Variants in SLC25A21 observed in about 807,000 individuals in gnomAD.
SLC25A21 encodes the protein solute carrier family 25 member 21.
Under a neutral mutation model 43.8 loss-of-function variants are expected in SLC25A21, and 47 were observed. That is an observed-to-expected ratio of 1.07 (90% CI 0.85 to 1.37). SLC25A21 has a LOEUF of 1.37. Ranked by LOEUF, SLC25A21 falls within the 40% of genes most tolerant of loss-of-function variation. The probability of loss-of-function intolerance (pLI) is 0.00; values close to 1 mark genes in which losing one functional copy is unlikely to be tolerated. For missense variants in SLC25A21, 352 were observed against 350.2 expected (o/e 1.00, Z -0.04); for synonymous variants, 131 against 121.3 (o/e 1.08, Z -0.52).
chr14:36,779,640 A>ATATG (rs1886979458), intron 3 of SLC25A21, among the ~76,000 whole-genome samples: 1 of 136,954 alleles, frequency 7.3e-6, no homozygotes, highest in Non-Finnish European at 1.6e-5. Context: ...ATATATATAT[A>ATATG]TATGTATACA....
chr14:36,790,678 T>C (rs1420312579), intron 3 of SLC25A21, among the ~76,000 whole-genome samples: 2 of 152,138 alleles, frequency 1.3e-5, no homozygotes, highest in African/African-American at 2.4e-5. Context: ...TAAGTCCTCT[T>C]TTAGGAAAGC....
At chr14:36,955,921 T>A (rs1959329004) in intron 1 of SLC25A21, among the ~76,000 whole-genome samples, 1 of 152,168 alleles carries the variant, frequency 6.6e-6, no homozygotes. Context: ...GTCAATAAAC[T>A]TGGTACCAGA....
chr14:37,054,635 G>C lies in SLC25A21; in HGVS notation c.70+117646C>G, dbSNP rs80028018. Among the ~76,000 whole-genome samples, 835 of 152,152 alleles carry C rather than the reference G, an allele frequency of 5.5e-3. 60 individuals carry two copies. In the East Asian group the frequency reaches 0.14, roughly 26 times the overall value. The stretch of plus-strand genomic sequence containing the variant: ...TGGTGAGGAGGTGATGGAAAGTGAG[G>C]AAAATGCTAATAGAGGTTGGAAAAA... On this transcript the variant is annotated intron_variant, in intron 1 of 9. Coordinates refer to ENST00000331299, the MANE Select transcript of SLC25A21 (RefSeq NM_030631.4).
chr14:36,981,497 G>A (rs1391270952), intron 1 of SLC25A21, among the ~76,000 whole-genome samples: 3 of 152,280 alleles, frequency 2.0e-5, no homozygotes, highest in Non-Finnish European at 2.9e-5. Flanking sequence ...ACCATGGAAT[G>A]CTATGCAGCC....
rs1882134771 is a variant in SLC25A21 at position 36,679,950 on chromosome 14, A to AAAC, written c.*705_*707dup. 1 of 859,208 alleles carries AAAC rather than the reference A, an allele frequency of 1.2e-6. No homozygotes were observed. Among genetic ancestry groups the AAAC allele is most frequent in the Non-Finnish European group, 1.4e-6 (1 of 739,066 alleles). 53.2% of individuals were successfully genotyped at this position (859,208 alleles called of 1,614,324 possible). A position where few individuals can be genotyped will look rare whatever the true frequency, so the allele number is the denominator to read the frequency against. The stretch of plus-strand genomic sequence containing the variant: ...GGAATACCTTGATTTAAACATGCTT[A>AAAC]AACAACAGTGTTTTAACATTCTGTT... On this transcript the variant is annotated 3_prime_UTR_variant, in exon 10 of 10. Transcript: ENST00000331299.
intron 1 of SLC25A21, among the ~76,000 whole-genome samples, chr14:36,906,075 T>C (rs547196322): frequency 4.6e-5 from 7 of 152,292 alleles, no homozygotes; most frequent in African/African-American, 1.7e-4. Context: ...AATCAGATTA[T>C]AAAAGGTACT....
intron 3 of SLC25A21, among the ~76,000 whole-genome samples, chr14:36,759,875 G>A (rs927593141): frequency 6.6e-6 from 1 of 152,294 alleles, no homozygotes; most frequent in Non-Finnish European, 1.5e-5. Flanking sequence ...GGCTGAGGCA[G>A]GAGAATCGTT....
chr14:37,158,318 CAT>C (rs1963884642), intron 1 of SLC25A21, among the ~76,000 whole-genome samples: 1 of 152,018 alleles, frequency 6.6e-6, no homozygotes, highest in Admixed American at 6.6e-5. Context: ...TGAACATAGA[CAT>C]AAAAATCCTC....
At chr14:36,900,352 T>C (rs1040705059) in intron 1 of SLC25A21, among the ~76,000 whole-genome samples, 1 of 152,118 alleles carries the variant, frequency 6.6e-6, no homozygotes, top group African/African-American at 2.4e-5. Context: ...GGCACATGTG[T>C]ACTCCTGTAT....
At chr14:36,781,992 T>C (rs1364379991) in intron 3 of SLC25A21, among the ~76,000 whole-genome samples, 3 of 152,224 alleles carry the variant, frequency 2.0e-5, no homozygotes, top group Non-Finnish European at 4.4e-5. Flanking sequence ...TTCTAAAGAA[T>C]AGCTTTGTCA....
At chr14:36,970,888 T>C (rs1301754706) in intron 1 of SLC25A21, among the ~76,000 whole-genome samples, 1 of 152,218 alleles carries the variant, frequency 6.6e-6, no homozygotes, top group Non-Finnish European at 1.5e-5. Flanking sequence ...TTTGAAAACC[T>C]TTTAGAAATT....
chr14:36,685,632 G>A (rs990036566), intron 7 of SLC25A21, among the ~76,000 whole-genome samples: 1 of 152,168 alleles, frequency 6.6e-6, no homozygotes, highest in East Asian at 1.9e-4. Flanking sequence ...AGGAGAAAGA[G>A]AGAGCGAGAG....
chr14:36,919,514 T>C (rs1024750628), intron 1 of SLC25A21, among the ~76,000 whole-genome samples: 5 of 151,984 alleles, frequency 3.3e-5, no homozygotes, highest in Admixed American at 6.6e-5. Flanking sequence ...AATTTCTCTA[T>C]CTCCTGAAAT....
chr14:36,738,486 G>C (rs149942535), intron 3 of SLC25A21, among the ~76,000 whole-genome samples: 21 of 152,302 alleles, frequency 1.4e-4, no homozygotes, highest in African/African-American at 4.6e-4. Context: ...CTTATGTCAC[G>C]AGCAGCCAAG....
At chr14:37,017,857 G>C (rs566137806) in intron 1 of SLC25A21, among the ~76,000 whole-genome samples, 75 of 152,032 alleles carry the variant, frequency 4.9e-4, no homozygotes, top group African/African-American at 1.8e-3. Context: ...TCCCCTTTTG[G>C]ATGGGACAAT....
chr14:36,785,725 A>AG (rs1887225580), intron 3 of SLC25A21, among the ~76,000 whole-genome samples: 1 of 152,192 alleles, frequency 6.6e-6, no homozygotes, highest in Non-Finnish European at 1.5e-5. Context: ...AAGCACATTC[A>AG]GGGGGCCAGA....
intron 2 of SLC25A21, among the ~76,000 whole-genome samples, chr14:36,847,022 C>T (rs193124609): frequency 1.3e-5 from 2 of 152,310 alleles, no homozygotes; most frequent in East Asian, 3.9e-4. Flanking sequence ...CTTTATTCTA[C>T]TCAATGTGAA....
chr14:37,141,508 T>TAA (rs533050099), intron 1 of SLC25A21, among the ~76,000 whole-genome samples: 5 of 149,756 alleles, frequency 3.3e-5, no homozygotes, highest in South Asian at 4.2e-4. Context: ...ACTGCGTTTT[T>TAA]AAAAAAAAAA....
chr14:36,972,893 C>T (rs1470190450), intron 1 of SLC25A21, among the ~76,000 whole-genome samples: 1 of 151,984 alleles, frequency 6.6e-6, no homozygotes. Flanking sequence ...AGTATACTGG[C>T]ACAATCATGG....
Sources: gnomAD v4.1 joint callset for allele counts (sites outside exome capture counted in the v4.1 genomes callset) on GRCh38, gnomAD v4.1.1 for gene constraint, MANE v1.5 for transcripts, NCBI Gene and HGNC (gene_info 2026-07-23, HGNC 2026-07-21) for gene names.